LAMA1: variants seen among roughly 807,000 people sequenced by gnomAD.
LAMA1 encodes laminin subunit alpha-1.
Under a neutral mutation model 348.7 loss-of-function variants are expected in LAMA1, and 219 were observed. The ratio of observed to expected loss-of-function variants is 0.63; its 90% CI spans 0.56 to 0.70. LAMA1 has a LOEUF of 0.70. LAMA1 is among the 30% of genes least tolerant of loss of function. LAMA1 has a pLI of 0.00. For synonymous variants in LAMA1, 1,487 were observed against 1,491.0 expected (o/e 1.00, Z 0.06); for missense variants, 3,744 against 3,888.0 (o/e 0.96, Z 0.99).
chr18:7,114,127 A>T (rs1201589567), intron 1 of LAMA1, among the ~76,000 whole-genome samples: 1 of 151,714 alleles, frequency 6.6e-6, no homozygotes, highest in Non-Finnish European at 1.5e-5. Context: ...GATTTTCAGG[A>T]GGTAAAATCA....
Position 7,030,235 on chromosome 18 carries a change from G to A in LAMA1, c.2274+1831C>T, listed in dbSNP as rs1045034519. Among the ~76,000 whole-genome samples the A allele has an allele frequency of 6.6e-5, 10 of 152,256 alleles. No homozygotes were observed. In the East Asian group the frequency reaches 1.4e-3, roughly 21 times the overall value. Reference sequence around the variant, plus strand: ...CAATGAGAGGGCACGGCACCTCCACGTCTTCTGGTCAAAAATGTGTAACCT... The same window carrying A: ...CAATGAGAGGGCACGGCACCTCCACATCTTCTGGTCAAAAATGTGTAACCT... On this transcript the variant is annotated intron_variant, in intron 16 of 62. Coordinates refer to ENST00000389658, the MANE Select transcript of LAMA1 (RefSeq NM_005559.4).
At chr18:7,048,298 C>T (rs769507403) in intron 5 of LAMA1, among the ~76,000 whole-genome samples, 54 of 152,166 alleles carry the variant, frequency 3.5e-4, no homozygotes, top group South Asian at 1.9e-3. Context: ...TGCCAATACA[C>T]GCACACAGGA....
intron 7 of LAMA1, among the ~76,000 whole-genome samples, chr18:7,043,868 G>A (rs577296873): frequency 1.3e-5 from 2 of 152,210 alleles, no homozygotes; most frequent in East Asian, 1.9e-4. Flanking sequence ...TATAAAAAGC[G>A]ATGTGGGCTG....
chr18:6,965,935 AT>A (rs1163649123), intron 49 of LAMA1: 27 of 576,666 alleles, frequency 4.7e-5, no homozygotes, highest in Non-Finnish European at 7.8e-5. Context: ...GTTCTTCTAT[AT>A]TTTTCTAAAG....
chr18:6,964,748 G>T lies in LAMA1; in HGVS notation c.7251C>A (p.Gly2417=). Residue 2417 remains glycine (G), a synonymous_variant, in exon 51 of 63, where the codon GGC becomes GGA. Transcript: ENST00000389658. ...YNTSNKETKQ[G]ETPGASSDLN... ...GGTCAGAAGATGCTCCCGGAGTCTCGCCCTGCTTGGTTTCTTTATTACTGG... is the reference window on the plus strand; with the variant it reads ...GGTCAGAAGATGCTCCCGGAGTCTCTCCCTGCTTGGTTTCTTTATTACTGG... 2 of 1,613,996 alleles carry T rather than the reference G, an allele frequency of 1.2e-6. No homozygotes were observed. The highest frequency in any genetic ancestry group is 2.7e-5 in the African/African-American group (2 of 74,982).
At chr18:7,044,666 C>A (rs1019805912) in intron 7 of LAMA1, 56 bp downstream of exon 7, 3 of 1,331,178 alleles carry the variant, frequency 2.3e-6, no homozygotes, top group Non-Finnish European at 3.2e-6. Context: ...ACACCATAAA[C>A]TTGGGACGTA....
intron 56 of LAMA1, chr18:6,956,308 A>G (rs2057577326): frequency 2.3e-6 from 1 of 435,766 alleles, no homozygotes; most frequent in East Asian, 5.3e-5. Flanking sequence ...ATGGCTTTAC[A>G]TGAAGTACTT....
chr18:7,050,895 G>A lies in LAMA1; in HGVS notation c.387C>T (p.Ala129=), dbSNP rs146125430. The change falls in exon 4 of 63, where the codon GCC becomes GCT. Residue 129 remains alanine (A), a synonymous_variant. Coordinates refer to ENST00000389658, the MANE Select transcript of LAMA1 (RefSeq NM_005559.4). ...CCAAAATCCAGTTTCCAGGTCGAGG[G>A]GCATTGGCAGCTTTAATGATGACAT... The part of the protein sequence containing the change: ...VAYVIIKAAN[A]PRPGNWILER... 9.9e-6 allele frequency: 16 copies of A among 1,614,020 alleles called. No homozygotes were observed. Among genetic ancestry groups the A allele is most frequent in the African/African-American group, 2.7e-5 (2 of 74,916 alleles).
At chr18:7,017,174 T>A in intron 20 of LAMA1, 104 bp downstream of exon 20, 1 of 864,720 alleles carries the variant, frequency 1.2e-6, no homozygotes, top group South Asian at 1.4e-5. Context: ...TCTATAGCAG[T>A]GTGAGAACAA....
chr18:7,064,948 A>G (rs954468732), intron 3 of LAMA1, among the ~76,000 whole-genome samples: 2 of 152,310 alleles, frequency 1.3e-5, no homozygotes, highest in African/African-American at 4.8e-5. Flanking sequence ...GATTAAGAAT[A>G]GCCAAGGCCG....
rs756110180 is a variant in LAMA1 at position 7,080,345 on chromosome 18, A to T, written c.174T>A (p.Gly58=). Residue 58 remains glycine, a synonymous_variant, in exon 2 of 63, where the codon GGT becomes GGA. Coordinates refer to ENST00000389658, the MANE Select transcript of LAMA1 (RefSeq NM_005559.4). ...MFCKLVEHVP[G]RPVRNPQCRI... The stretch of plus-strand genomic sequence containing the variant: ...GGCACTGTGGGTTTCGGACGGGCCG[A>T]CCTGGCACATGCTCCACAAGTTTGC... 4 of 1,614,194 alleles carry T rather than the reference A, an allele frequency of 2.5e-6. No homozygotes were observed. The highest frequency in any genetic ancestry group is 2.5e-6 in the Non-Finnish European group (3 of 1,180,040).
intron 36 of LAMA1, among the ~76,000 whole-genome samples, chr18:6,990,907 T>C (rs549563098): frequency 6.6e-6 from 1 of 152,264 alleles, no homozygotes; most frequent in East Asian, 1.9e-4. Context: ...AAGTTACTTA[T>C]ATTCCCTGGG....
chr18:6,966,037 G>A, intron 49 of LAMA1, 110 bp downstream of exon 49: 1 of 1,184,770 alleles, frequency 8.4e-7, no homozygotes, highest in Non-Finnish European at 1.2e-6. Flanking sequence ...AAATTGTATG[G>A]TATACATATG....
intron 49 of LAMA1, 136 bp from the exon 50 acceptor site, chr18:6,965,568 C>T (rs764767049): frequency 5.2e-5 from 52 of 1,006,192 alleles, no homozygotes; most frequent in Admixed American, 1.2e-4. Flanking sequence ...AGAGGTCTAT[C>T]GGCTACGAAA....
chr18:7,084,458 A>G (rs544283290), intron 1 of LAMA1, among the ~76,000 whole-genome samples: 2 of 152,318 alleles, frequency 1.3e-5, no homozygotes, highest in South Asian at 4.1e-4. Context: ...AGGACTTAAT[A>G]AATTAGTCTG....
chr18:7,038,263 T>A (rs1469157238), intron 11 of LAMA1, among the ~76,000 whole-genome samples: 2 of 152,096 alleles, frequency 1.3e-5, no homozygotes, highest in Non-Finnish European at 2.9e-5. Flanking sequence ...AGCTCCTCCC[T>A]TGCCTGCAGC....
At chr18:7,112,172 A>C (rs1394466922) in intron 1 of LAMA1, among the ~76,000 whole-genome samples, 1 of 152,150 alleles carries the variant, frequency 6.6e-6, no homozygotes, top group African/African-American at 2.4e-5. Context: ...AAGTTTTTAA[A>C]CCCCAAAAGA....
intron 28 of LAMA1, 114 bp downstream of exon 28, chr18:7,008,372 AAG>A (rs961745048): frequency 1.9e-5 from 23 of 1,213,868 alleles, no homozygotes; most frequent in Middle Eastern, 1.9e-4. Context: ...TTAATTCAAA[AAG>A]AGAAAAAAAT....
chr18:7,064,905 T>C (rs1009250026), intron 3 of LAMA1, among the ~76,000 whole-genome samples: 2 of 152,174 alleles, frequency 1.3e-5, no homozygotes, highest in Non-Finnish European at 2.9e-5. Context: ...ACTGTTGAAC[T>C]GCACTGGATC....
Sources: gnomAD v4.1 joint callset for allele counts (sites outside exome capture counted in the v4.1 genomes callset) on GRCh38, gnomAD v4.1.1 for gene constraint, MANE v1.5 for transcripts, NCBI Gene and HGNC (gene_info 2026-07-23, HGNC 2026-07-21) for gene names.